Variants in GHR observed in about 807,000 individuals in gnomAD.
GHR encodes the protein GH receptor.
Under a neutral mutation model 67.1 loss-of-function variants are expected in GHR, and 35 were observed. The ratio of observed to expected loss-of-function variants is 0.52; its 90% CI spans 0.40 to 0.69. The LOEUF (loss-of-function observed/expected upper bound fraction) is 0.69, where lower values mean the gene tolerates loss of function less well. GHR is among the 30% of genes least tolerant of loss of function. The pLI is 0.00. For missense variants in GHR, 792 were observed against 764.6 expected (o/e 1.04, Z -0.42); for synonymous variants, 272 against 269.1 (o/e 1.01, Z -0.10).
chr5:42,476,510 C>T (rs960452986), intron 1 of GHR, among the ~76,000 whole-genome samples: 1 of 152,210 alleles, frequency 6.6e-6, no homozygotes, highest in South Asian at 2.1e-4. Context: ...TGAGCCACTG[C>T]ACCTGGCCTA....
intron 7 of GHR, among the ~76,000 whole-genome samples, chr5:42,711,724 G>C (rs1467672016): frequency 2.0e-5 from 3 of 151,804 alleles, no homozygotes; most frequent in African/African-American, 7.3e-5. Flanking sequence ...TTATAATCAG[G>C]AAAAAAAGCT....
At position 42,523,079 on chromosome 5, in the gene GHR, T is replaced by C. The variant is rs569334265; in HGVS notation, c.-11-42785T>C. Among the ~76,000 whole-genome samples the C allele has an allele frequency of 3.9e-5, 6 of 152,290 alleles. No homozygotes were observed. In the South Asian group the frequency reaches 1.2e-3, roughly 32 times the overall value. Reference sequence around the variant, plus strand: ...TGAGCAAAGAGATAAATTTACTCTTTTATATGATTACAACCAAATCACACA... The same window carrying C: ...TGAGCAAAGAGATAAATTTACTCTTCTATATGATTACAACCAAATCACACA... On this transcript the variant is annotated intron_variant, in intron 1 of 9. Coordinates refer to ENST00000230882, the MANE Select transcript of GHR (RefSeq NM_000163.5).
In GHR at chr5:42,665,191, G is replaced by A. The variant is rs575278013; in HGVS notation, c.137-23699G>A. 2.3e-3 allele frequency among the ~76,000 whole-genome samples: 351 copies of A among 152,152 alleles called. 1 individual carries two copies. The highest frequency in any genetic ancestry group is 8.0e-3 in the African/African-American group (331 of 41,524). ...CAACCATTGTGGAAGTCAGTGTGGC[G>A]ATTCCTCAGGGATCTAGAACTAGAA... On this transcript the variant is annotated intron_variant, in intron 3 of 9. Transcript: ENST00000230882.
rs962808139 is a variant in GHR, at chr5:42,680,842, CTAT to C, written c.137-8037_137-8035del. Among the ~76,000 whole-genome samples the C allele has an allele frequency of 4.2e-3, 313 of 75,420 alleles. 1 individual carries two copies. The highest frequency in any genetic ancestry group is 0.015 in the African/African-American group (303 of 20,230). The allele number at this position is 75,420 out of a possible 152,430, so 49.5% of individuals were successfully genotyped here. On this transcript the variant is annotated intron_variant, in intron 3 of 9. Coordinates refer to ENST00000230882, the MANE Select transcript of GHR (RefSeq NM_000163.5). ...TTTTGATTGAATGCTTAATGTCTTT[CTAT>C]TATTATTATTTTTTTTTATTATACT...
chr5:42,645,012 G>T (rs1476911469), intron 3 of GHR, among the ~76,000 whole-genome samples: 1 of 151,990 alleles, frequency 6.6e-6, no homozygotes, highest in Non-Finnish European at 1.5e-5. Flanking sequence ...TATTACTAGT[G>T]GCCAGAGTTC....
chr5:42,576,796 C>G (rs1750771797), intron 2 of GHR, among the ~76,000 whole-genome samples: 1 of 152,166 alleles, frequency 6.6e-6, no homozygotes, highest in South Asian at 2.1e-4. Flanking sequence ...ACTCTAGTTC[C>G]TGTGCTTCTA....
At chr5:42,445,529 A>G (rs942851891) in intron 1 of GHR, among the ~76,000 whole-genome samples, 1 of 152,154 alleles carries the variant, frequency 6.6e-6, no homozygotes, top group Non-Finnish European at 1.5e-5. Context: ...GTGGTCTAGG[A>G]ATTATTGTTT....
At chr5:42,558,089 G>A (rs915198113) in intron 1 of GHR, among the ~76,000 whole-genome samples, 3 of 152,122 alleles carry the variant, frequency 2.0e-5, no homozygotes, top group South Asian at 4.1e-4. Flanking sequence ...AGGGAGACAG[G>A]TGTTAAACAT....
At chr5:42,614,256 C>T (rs1333390165) in intron 2 of GHR, among the ~76,000 whole-genome samples, 1 of 151,988 alleles carries the variant, frequency 6.6e-6, no homozygotes, top group South Asian at 2.1e-4. Context: ...CAGAAAGAAG[C>T]CTTTTTTAAA....
chr5:42,676,441 C>T (rs1756576655), intron 3 of GHR, among the ~76,000 whole-genome samples: 1 of 152,112 alleles, frequency 6.6e-6, no homozygotes, highest in Non-Finnish European at 1.5e-5. Context: ...ATGTGAATTT[C>T]TTATGTTCAG....
At chr5:42,425,184 GAGGGCGTTTGGGAGGTCTA>G (rs1316915219) in intron 1 of GHR, 1 of 191,768 alleles carries the variant, frequency 5.2e-6, no homozygotes, top group Admixed American at 6.5e-5. Flanking sequence ...AACTGCATGG[GAGGGCGTTTGGGAGGTCTA>G]AGGGATGTGT....
intron 3 of GHR, among the ~76,000 whole-genome samples, chr5:42,632,638 A>T (rs940772397): frequency 3.3e-5 from 5 of 152,184 alleles, no homozygotes; most frequent in African/African-American, 1.2e-4. Context: ...TTTCTTAAGA[A>T]ACATTTTCTG....
intron 3 of GHR, among the ~76,000 whole-genome samples, chr5:42,681,498 A>C (rs992609376): frequency 6.6e-6 from 1 of 152,222 alleles, no homozygotes. Context: ...GAACGCTTTT[A>C]CACTGTTGGT....
At chr5:42,717,786 A>AG (rs1409263447) in intron 8 of GHR, among the ~76,000 whole-genome samples, 1 of 151,950 alleles carries the variant, frequency 6.6e-6, no homozygotes, top group Non-Finnish European at 1.5e-5. Context: ...TAAGAAAAAA[A>AG]CAATTGTGGG....
chr5:42,424,601 A>T lies in GHR; in HGVS notation c.-12+646A>T, dbSNP rs116297749. On this transcript the variant is annotated intron_variant, in intron 1 of 9. Coordinates refer to ENST00000230882, the MANE Select transcript of GHR (RefSeq NM_000163.5). The surrounding 1 kb of genome is among the most constrained non-coding windows in gnomAD (Gnocchi z 4.1). ...GCCACCAGTCCGCATGAACTGGGGT[A>T]AGTGGAAATTGTGGCGAGCCGACCT... is the stretch of plus-strand genomic sequence containing the variant. 1,120 of 1,534,386 alleles carry T rather than the reference A, an allele frequency of 7.3e-4. 7 individuals carry two copies. In the African/African-American group the frequency reaches 0.014, roughly 20 times the overall value.
intron 1 of GHR, among the ~76,000 whole-genome samples, chr5:42,464,587 T>C (rs753234863): frequency 8.5e-5 from 13 of 152,160 alleles, no homozygotes; most frequent in African/African-American, 1.2e-4. Flanking sequence ...CATGAATCCA[T>C]TCTGCAGGTG....
chr5:42,526,503 A>G (rs1747711146), intron 1 of GHR, among the ~76,000 whole-genome samples: 1 of 152,270 alleles, frequency 6.6e-6, no homozygotes, highest in Admixed American at 6.5e-5. Flanking sequence ...ACTAAACAAC[A>G]GATTTTCAGT....
At chr5:42,587,817 C>T (rs544479949) in intron 2 of GHR, among the ~76,000 whole-genome samples, 2 of 152,166 alleles carry the variant, frequency 1.3e-5, no homozygotes, top group East Asian at 1.9e-4. Flanking sequence ...GGAGCTGAAC[C>T]GTGTTCCCTG....
chr5:42,524,784 T>C (rs114749434), intron 1 of GHR, among the ~76,000 whole-genome samples: 5,861 of 152,266 alleles, frequency 0.038, 362 homozygotes, highest in African/African-American at 0.13. Flanking sequence ...TGGTGCTCTA[T>C]GTCCCACCTG....
Sources: gnomAD v4.1 joint callset for allele counts (sites outside exome capture counted in the v4.1 genomes callset) on GRCh38, gnomAD v4.1.1 for gene constraint, Gnocchi (gnomAD v3.1) non-coding constraint, MANE v1.5 for transcripts, NCBI Gene and HGNC (gene_info 2026-07-23, HGNC 2026-07-21) for gene names.